The following HIPK3 variants were observed in gnomAD, a reference collection of about 807,000 sequenced individuals.
HIPK3 encodes homeodomain interacting protein kinase 3, also known as homeodomain-interacting protein kinase 3.
HIPK3 carries 47 observed loss-of-function variants against 124.2 expected under a neutral mutation model. The ratio of observed to expected loss-of-function variants is 0.38; its 90% CI spans 0.30 to 0.48. HIPK3 has a LOEUF of 0.48. Among genes scored for constraint, HIPK3 ranks in the 20% least tolerant of loss-of-function variants. The pLI is 0.98. For synonymous variants in HIPK3, 482 were observed against 515.2 expected (o/e 0.94, Z 0.87); for missense variants, 1,286 against 1,454.3 (o/e 0.88, Z 1.88).
intron 1 of HIPK3, among the ~76,000 whole-genome samples, chr11:33,275,881 A>G (rs1012338703): frequency 1.3e-5 from 2 of 152,036 alleles, no homozygotes; most frequent in Admixed American, 6.6e-5. Flanking sequence ...GATCCTAGGG[A>G]CTCTTCATAT....
intron 2 of HIPK3, among the ~76,000 whole-genome samples, chr11:33,305,921 A>G (rs1049367982): frequency 3.3e-5 from 5 of 151,832 alleles, no homozygotes; most frequent in Admixed American, 6.6e-5. Context: ...ATCATGGCTC[A>G]CTGCAGCTAT....
At chr11:33,276,881 T>C (rs1172364536) in intron 1 of HIPK3, among the ~76,000 whole-genome samples, 1 of 152,038 alleles carries the variant, frequency 6.6e-6, no homozygotes, top group Admixed American at 6.6e-5. Flanking sequence ...ATTTTTGTAT[T>C]TTTAGTAGAG....
chr11:33,278,152 TTAA>T (rs1851319788), intron 1 of HIPK3, among the ~76,000 whole-genome samples: 1 of 152,210 alleles, frequency 6.6e-6, no homozygotes, highest in South Asian at 2.1e-4. Context: ...AGGTTGATGA[TTAA>T]TTTGTTAAAA....
At chr11:33,335,418 A>G (rs1326543380) in intron 3 of HIPK3, among the ~76,000 whole-genome samples, 1 of 152,200 alleles carries the variant, frequency 6.6e-6, no homozygotes, top group Non-Finnish European at 1.5e-5. Context: ...AGCGATTTTT[A>G]TGTAAAATGG....
In HIPK3 at chr11:33,307,567, T is replaced by C. The variant is rs1852201010; in HGVS notation, c.1097+20056T>C. Among the ~76,000 whole-genome samples, 6 of 143,042 alleles carry C rather than the reference T, an allele frequency of 4.2e-5. No individual in the cohort carries two copies. In the South Asian group the frequency reaches 1.3e-3, roughly 32 times the overall value. 93.8% of individuals were successfully genotyped at this position (143,042 alleles called of 152,430 possible). Reference sequence around the variant, plus strand: ...GCGCCTGCCACCACGCCTGGCTAATTTTTTTTTTTTTTGTATTTTTAGTAG... The same window carrying C: ...GCGCCTGCCACCACGCCTGGCTAATCTTTTTTTTTTTTGTATTTTTAGTAG... On this transcript the variant is annotated intron_variant, in intron 2 of 16. Transcript: ENST00000303296.
At chr11:33,258,268 C>T (rs563442197) in intron 1 of HIPK3, 2 of 981,706 alleles carry the variant, frequency 2.0e-6, no homozygotes, top group South Asian at 4.8e-5. Flanking sequence ...TTTGTTTAGT[C>T]CCACGGGGAG....
chr11:33,265,873 C>T (rs1565052205), intron 1 of HIPK3, among the ~76,000 whole-genome samples: 1 of 150,080 alleles, frequency 6.7e-6, no homozygotes, highest in Non-Finnish European at 1.5e-5. Flanking sequence ...GTCATGAGGT[C>T]AGGAGGTCGA....
At position 33,306,610 on chromosome 11, in the gene HIPK3, C is replaced by T. The variant is rs149361503; in HGVS notation, c.1097+19099C>T. 8.9e-3 allele frequency among the ~76,000 whole-genome samples: 1,350 copies of T among 152,248 alleles called. 15 individuals are homozygous for T. Among genetic ancestry groups the T allele is most frequent in the African/African-American group, 0.03 (1,234 of 41,528 alleles). On this transcript the variant is annotated intron_variant, in intron 2 of 16. Coordinates refer to ENST00000303296, the MANE Select transcript of HIPK3 (RefSeq NM_005734.5). Reference sequence around the variant, plus strand: ...CTGCCACTTATTGTGTCACCCTGAGCAAGTTGTTTGACCTTTCTTGGCCTC... The same window carrying T: ...CTGCCACTTATTGTGTCACCCTGAGTAAGTTGTTTGACCTTTCTTGGCCTC...
chr11:33,341,193 A>G (rs1853323209), intron 7 of HIPK3, 66 bp downstream of exon 7: 18 of 1,186,142 alleles, frequency 1.5e-5, no homozygotes, highest in Non-Finnish European at 2.1e-5. Context: ...TACTTTTGAT[A>G]TATACAGAAG....
intron 3 of HIPK3, among the ~76,000 whole-genome samples, chr11:33,329,026 T>C (rs201209248): frequency 6.6e-6 from 1 of 152,180 alleles, no homozygotes; most frequent in African/African-American, 2.4e-5. Context: ...CCAACTGCCA[T>C]TATTGGTGTT....
intron 2 of HIPK3, among the ~76,000 whole-genome samples, chr11:33,290,769 T>C (rs1040300123): frequency 6.6e-6 from 1 of 152,160 alleles, no homozygotes; most frequent in South Asian, 2.1e-4. Context: ...ATTAGGCCTT[T>C]GCACAAATAC....
At chr11:33,258,561 G>GC in intron 1 of HIPK3, 2 of 985,492 alleles carry the variant, frequency 2.0e-6, no homozygotes, top group South Asian at 9.4e-5. Flanking sequence ...GCGCGGCGGG[G>GC]CTGTTGCCGG....
chr11:33,271,566 AAAAT>A (rs1359979704), intron 1 of HIPK3, among the ~76,000 whole-genome samples: 13 of 152,296 alleles, frequency 8.5e-5, no homozygotes, highest in Admixed American at 6.5e-4. Context: ...ACCCTGTCTC[AAAAT>A]AAATAAATAA....
chr11:33,270,466 G>A (rs1333475162), intron 1 of HIPK3, among the ~76,000 whole-genome samples: 5 of 151,912 alleles, frequency 3.3e-5, no homozygotes, highest in Non-Finnish European at 7.4e-5. Context: ...CTGCCACCAC[G>A]CCCGGCTAAG....
chr11:33,294,951 T>G (rs1851798951), intron 2 of HIPK3, among the ~76,000 whole-genome samples: 1 of 152,170 alleles, frequency 6.6e-6, no homozygotes, highest in South Asian at 2.1e-4. Flanking sequence ...TCTGGTGATA[T>G]ATCATAATGA....
At chr11:33,281,662 T>C (rs114094315) in intron 1 of HIPK3, among the ~76,000 whole-genome samples, 1,543 of 152,332 alleles carry the variant, frequency 0.01, 24 homozygotes, top group African/African-American at 0.035. Context: ...CATATGCAAA[T>C]ATATGCATAT....
intron 2 of HIPK3, among the ~76,000 whole-genome samples, chr11:33,311,244 G>GGTAAGAT (rs755917859): frequency 1.1e-4 from 17 of 152,096 alleles, no homozygotes; most frequent in Non-Finnish European, 2.2e-4. Context: ...AGAGTACAGT[G>GGTAAGAT]GTAAGATCAC....
intron 1 of HIPK3, among the ~76,000 whole-genome samples, chr11:33,262,602 CAGTT>C (rs899247781): frequency 2.0e-5 from 3 of 152,170 alleles, no homozygotes; most frequent in African/African-American, 7.2e-5. Context: ...GGTTTGGAGA[CAGTT>C]AAGTTATTAA....
chr11:33,278,875 T>G (rs1053186391), intron 1 of HIPK3, among the ~76,000 whole-genome samples: 1 of 152,118 alleles, frequency 6.6e-6, no homozygotes, highest in Non-Finnish European at 1.5e-5. Flanking sequence ...TTTAAGATAG[T>G]AAATTTTATT....
Sources: allele counts gnomAD v4.1 joint callset (sites outside exome capture counted in the v4.1 genomes callset), GRCh38; gene constraint gnomAD v4.1.1; transcripts MANE v1.5; gene names NCBI Gene and HGNC (gene_info 2026-07-23, HGNC 2026-07-21).